Variants in LDB2 observed in about 807,000 individuals in gnomAD.
The protein encoded by LDB2 is LIM domain binding 2.
A neutral mutation model predicts 44.3 loss-of-function variants in LDB2; 12 were observed. The ratio of observed to expected loss-of-function variants is 0.27; its 90% confidence interval spans 0.17 to 0.44. LDB2 has a LOEUF of 0.44. Ranked by LOEUF, LDB2 falls within the 20% of genes least tolerant of loss-of-function variation. The pLI is 1.00. For synonymous variants in LDB2, 164 were observed against 174.8 expected, an observed-to-expected ratio of 0.94 and a Z score of 0.49; for missense variants, 344 against 473.5, an observed-to-expected ratio of 0.73 and a Z score of 2.54.
chr4:16,843,797 A>G (rs62298186), intron 1 of LDB2, among the ~76,000 whole-genome samples: 27,400 of 151,730 alleles, frequency 0.18, 2,902 homozygotes, highest in Non-Finnish European at 0.23. Context: ...AATTTTTTGT[A>G]TGTTTAGTAG....
chr4:16,880,172 A>G (rs1719639135), intron 1 of LDB2, among the ~76,000 whole-genome samples: 1 of 152,154 alleles, frequency 6.6e-6, no homozygotes, highest in Non-Finnish European at 1.5e-5. Flanking sequence ...TATCTTAATG[A>G]CAGAAGAGAA....
intron 2 of LDB2, among the ~76,000 whole-genome samples, chr4:16,624,289 G>T (rs1729690050): frequency 6.6e-6 from 1 of 152,050 alleles, no homozygotes; most frequent in Non-Finnish European, 1.5e-5. Flanking sequence ...TAGAGGCAGG[G>T]TCTCACTATG....
At chr4:16,571,514 A>T (rs146163561) in intron 5 of LDB2, among the ~76,000 whole-genome samples, 1 of 151,788 alleles carries the variant, frequency 6.6e-6, no homozygotes, top group East Asian at 1.9e-4. Flanking sequence ...TTTGATCCAG[A>T]TCTCTTAGGA....
rs146403388 is a variant in LDB2 at position 16,532,991 on chromosome 4, T to A, written c.616-20887A>T. ...GTCTATAATAAACTCAACATCTCAA[T>A]CAGCTGAAAAGATGGAGTAAAATGA... On this transcript the variant is annotated intron_variant, in intron 5 of 7. Transcript: ENST00000304523. Among the ~76,000 whole-genome samples the A allele has an allele frequency of 3.3e-5, 5 of 152,290 alleles. No individual in the cohort carries two copies. The East Asian group carries it at 7.7e-4, about 23-fold the overall frequency.
At chr4:16,766,446 GTA>G (rs1200908159) in intron 1 of LDB2, among the ~76,000 whole-genome samples, 139 of 146,282 alleles carry the variant, frequency 9.5e-4, no homozygotes, top group Admixed American at 1.9e-3. Context: ...GTATGTGTGT[GTA>G]TATATATACA....
At chr4:16,651,403 C>G (rs771688807) in intron 2 of LDB2, among the ~76,000 whole-genome samples, 23 of 152,158 alleles carry the variant, frequency 1.5e-4, no homozygotes, top group Non-Finnish European at 3.2e-4. Context: ...CTTTGATTTT[C>G]CATAAATATT....
chr4:16,705,733 T>A (rs1269830003), intron 2 of LDB2, among the ~76,000 whole-genome samples: 1 of 152,204 alleles, frequency 6.6e-6, no homozygotes, highest in African/African-American at 2.4e-5. Flanking sequence ...GATTTTAAAC[T>A]CTGTAAAGTT....
intron 3 of LDB2, 84 bp downstream of exon 3, chr4:16,595,619 G>T: frequency 7.7e-7 from 1 of 1,298,574 alleles, no homozygotes; most frequent in Non-Finnish European, 1.1e-6. Context: ...ATCGGCCCCA[G>T]GTTCCATAGG....
intron 2 of LDB2, among the ~76,000 whole-genome samples, chr4:16,698,012 G>A (rs781173527): frequency 1.1e-4 from 17 of 152,042 alleles, no homozygotes; most frequent in Non-Finnish European, 1.9e-4. Flanking sequence ...GTGTGTATTC[G>A]TTATATAAAC....
intron 5 of LDB2, among the ~76,000 whole-genome samples, chr4:16,575,229 T>C (rs1281889096): frequency 6.6e-6 from 1 of 152,180 alleles, no homozygotes; most frequent in Admixed American, 6.5e-5. Context: ...AAATTGTACG[T>C]AACCTGATTG....
chr4:16,651,579 T>C (rs1738279836), intron 2 of LDB2, among the ~76,000 whole-genome samples: 1 of 103,682 alleles, frequency 9.6e-6, no homozygotes, highest in Non-Finnish European at 2.4e-5. Flanking sequence ...CCTGGGGTGA[T>C]TTTCATCTTT....
At chr4:16,842,781 T>C (rs566691643) in intron 1 of LDB2, among the ~76,000 whole-genome samples, 1 of 152,312 alleles carries the variant, frequency 6.6e-6, no homozygotes, top group East Asian at 1.9e-4. Flanking sequence ...GCGATTTGCG[T>C]AGTAGTTAAG....
chr4:16,728,378 A>T (rs1234065758), intron 2 of LDB2, among the ~76,000 whole-genome samples: 1 of 152,126 alleles, frequency 6.6e-6, no homozygotes, highest in East Asian at 1.9e-4. Context: ...AGAAATAGAA[A>T]TAGAGAGATG....
chr4:16,665,323 T>A lies in LDB2; in HGVS notation c.236-69448A>T, dbSNP rs1353580253. Among the ~76,000 whole-genome samples the A allele has an allele frequency of 2.1e-5, 3 of 143,926 alleles. No homozygotes were observed. The South Asian group carries it at 6.7e-4, about 32-fold the overall frequency. The allele number at this position is 143,926 out of a possible 152,430, so 94.4% of individuals were successfully genotyped here. A position where few individuals can be genotyped will look rare whatever the true frequency, so the allele number is the denominator to read the frequency against. On this transcript the variant is annotated intron_variant, in intron 2 of 7. Transcript: ENST00000304523. ...CTCTGTCACCCAGGCTGGAGTGCAG[T>A]GGTGTGATCTTGGCTCATGGCAACC...
At chr4:16,754,604 T>C (rs1055869174) in intron 2 of LDB2, among the ~76,000 whole-genome samples, 1 of 151,932 alleles carries the variant, frequency 6.6e-6, no homozygotes, top group East Asian at 1.9e-4. Context: ...CTTGGTTCAC[T>C]GCAACCTCCA....
At chr4:16,638,222 AG>A (rs1359028168) in intron 2 of LDB2, among the ~76,000 whole-genome samples, 1 of 152,204 alleles carries the variant, frequency 6.6e-6, no homozygotes, top group African/African-American at 2.4e-5. Context: ...AATAAAAAGC[AG>A]GATACTACGC....
At chr4:16,719,498 G>T (rs1222400907) in intron 2 of LDB2, among the ~76,000 whole-genome samples, 1 of 151,994 alleles carries the variant, frequency 6.6e-6, no homozygotes, top group Non-Finnish European at 1.5e-5. Context: ...GAAAATATTC[G>T]TCATGGTCCA....
chr4:16,763,728 T>C (rs1768515016), intron 1 of LDB2, among the ~76,000 whole-genome samples: 1 of 152,198 alleles, frequency 6.6e-6, no homozygotes, highest in South Asian at 2.1e-4. Context: ...ACTACCCTAA[T>C]TGCTACCAAG....
intron 1 of LDB2, chr4:16,889,092 AAC>A (rs35916896): frequency 1.2e-3 from 173 of 149,146 alleles, no homozygotes; most frequent in Middle Eastern, 3.5e-3. Flanking sequence ...CACACACATA[AAC>A]ACACACACAC....
Sources: allele counts gnomAD v4.1 joint callset (sites outside exome capture counted in the v4.1 genomes callset), GRCh38; gene constraint gnomAD v4.1.1; transcripts MANE v1.5; gene names NCBI Gene and HGNC (gene_info 2026-07-23, HGNC 2026-07-21).